ARHGAP6: variants seen among roughly 807,000 people sequenced by gnomAD.
ARHGAP6 encodes the protein Rho GTPase activating protein 6, also known as rho GTPase-activating protein 6.
Under a neutral mutation model 55.7 loss-of-function variants are expected in ARHGAP6, and 16 were observed. That is an observed-to-expected ratio of 0.29 (90% CI 0.19 to 0.44). ARHGAP6 has a LOEUF of 0.44. Among genes scored for constraint, ARHGAP6 ranks in the 20% least tolerant of loss-of-function variants. ARHGAP6 has a pLI of 1.00. For synonymous variants in ARHGAP6, 382 were observed against 360.9 expected, an observed-to-expected ratio of 1.06 and a Z score of -0.66; for missense variants, 698 against 808.9, an observed-to-expected ratio of 0.86 and a Z score of 1.66.
chrX:11,199,496 G>T (rs2046589473), intron 2 of ARHGAP6, among the ~76,000 whole-genome samples: 1 of 112,101 alleles, frequency 8.9e-6, no homozygotes, highest in South Asian at 3.7e-4. Flanking sequence ...TTAAAGTCTG[G>T]AACCACCACT....
chrX:11,351,334 A>C (rs2048861079), intron 1 of ARHGAP6: 1 of 948,412 alleles, frequency 1.1e-6, no homozygotes, highest in East Asian at 7.8e-5. Context: ...TATTAAAATA[A>C]ACATTCATAT....
At chrX:11,484,345 G>T (rs917757242) in intron 1 of ARHGAP6, among the ~76,000 whole-genome samples, 2 of 108,777 alleles carry the variant, frequency 1.8e-5, no homozygotes, top group African/African-American at 6.7e-5. Flanking sequence ...GATTAAGTAG[G>T]AGGAGGAGGA....
At chrX:11,490,071 G>A (rs1340017499) in intron 1 of ARHGAP6, among the ~76,000 whole-genome samples, 2 of 111,235 alleles carry the variant, frequency 1.8e-5, no homozygotes, top group Non-Finnish European at 3.8e-5. Flanking sequence ...ATCCTAAGAT[G>A]ACCCCCCTCC....
chrX:11,346,352 C>G (rs996060012), intron 1 of ARHGAP6, among the ~76,000 whole-genome samples: 1 of 111,631 alleles, frequency 9.0e-6, no homozygotes, highest in Non-Finnish European at 1.9e-5. Context: ...GTGACAAAAT[C>G]TGTATAGCCT....
At chrX:11,339,024 T>C (rs1185140439) in intron 1 of ARHGAP6, among the ~76,000 whole-genome samples, 2 of 112,198 alleles carry the variant, frequency 1.8e-5, no homozygotes, top group Non-Finnish European at 3.8e-5. Context: ...CTTCTGAAGA[T>C]GTGTCTGGAA....
chrX:11,344,710 G>GAAAGA (rs1555994746), intron 1 of ARHGAP6, among the ~76,000 whole-genome samples: 6 of 78,044 alleles, frequency 7.7e-5, no homozygotes, highest in East Asian at 4.1e-4. Flanking sequence ...AAAAAGAAAA[G>GAAAGA]AAAGAAAAGA....
intron 3 of ARHGAP6, among the ~76,000 whole-genome samples, chrX:11,191,029 A>G (rs2046451781): frequency 8.9e-6 from 1 of 112,650 alleles, no homozygotes; most frequent in Admixed American, 9.4e-5. Context: ...CCATTCAACT[A>G]TGGATAACTT....
chrX:11,453,392 T>C (rs773385668), intron 1 of ARHGAP6, among the ~76,000 whole-genome samples: 14 of 106,233 alleles, frequency 1.3e-4, no homozygotes, highest in Non-Finnish European at 2.3e-4. Context: ...TCTTCTGGCT[T>C]GTCCAGCTTC....
intron 1 of ARHGAP6, among the ~76,000 whole-genome samples, chrX:11,637,088 A>G (rs748190201): frequency 8.9e-6 from 1 of 111,926 alleles, no homozygotes; most frequent in South Asian, 3.7e-4. Context: ...TACTTTATTT[A>G]TAAACTTATA....
At chrX:11,448,668 G>A (rs1370431997) in intron 1 of ARHGAP6, among the ~76,000 whole-genome samples, 1 of 111,067 alleles carries the variant, frequency 9.0e-6, no homozygotes. Context: ...GTCTGGGGGT[G>A]GGCCTGGACA....
At chrX:11,187,415 T>A (rs1291977686) in intron 4 of ARHGAP6, among the ~76,000 whole-genome samples, 2 of 111,492 alleles carry the variant, frequency 1.8e-5, no homozygotes, top group African/African-American at 6.5e-5. Flanking sequence ...GGAAAACCAT[T>A]GCCTGAGTCC....
intron 1 of ARHGAP6, among the ~76,000 whole-genome samples, chrX:11,265,222 T>C (rs941434782): frequency 8.5e-4 from 95 of 112,301 alleles, no homozygotes; most frequent in African/African-American, 2.9e-3. Context: ...TAAAGTTTCC[T>C]CTTTTGTAAA....
chrX:11,402,528 C>G (rs1432200956), intron 1 of ARHGAP6, among the ~76,000 whole-genome samples: 1 of 111,253 alleles, frequency 9.0e-6, no homozygotes, highest in Non-Finnish European at 1.9e-5. Flanking sequence ...CACAACTATG[C>G]TTGTATAGAG....
chrX:11,208,303 A>G (rs1569255994), intron 2 of ARHGAP6, among the ~76,000 whole-genome samples: 1 of 110,618 alleles, frequency 9.0e-6, no homozygotes, highest in Non-Finnish European at 1.9e-5. Flanking sequence ...AATTCATTCT[A>G]ACGTAAAAAA....
chrX:11,281,697 G>T (rs2047857851), intron 1 of ARHGAP6, among the ~76,000 whole-genome samples: 1 of 111,394 alleles, frequency 9.0e-6, no homozygotes, highest in Non-Finnish European at 1.9e-5. Flanking sequence ...GAGATCTGGG[G>T]TTATATATTC....
chrX:11,353,505 T>C (rs2048887306), intron 1 of ARHGAP6, among the ~76,000 whole-genome samples: 4 of 110,385 alleles, frequency 3.6e-5, no homozygotes, highest in Non-Finnish European at 7.6e-5. Flanking sequence ...AGGGTGTCCT[T>C]ATTTAATCAG....
At chrX:11,179,750 A>G (rs1420909240) in intron 6 of ARHGAP6, among the ~76,000 whole-genome samples, 2 of 90,126 alleles carry the variant, frequency 2.2e-5, no homozygotes, top group African/African-American at 9.1e-5. Flanking sequence ...ATATACATAT[A>G]TATGTATATG....
intron 2 of ARHGAP6, among the ~76,000 whole-genome samples, chrX:11,227,330 T>A (rs1019836390): frequency 1.8e-5 from 2 of 112,105 alleles, no homozygotes; most frequent in African/African-American, 6.5e-5. Context: ...AACTTTGGTA[T>A]CATCTTGGAC....
chrX:11,182,544 G>T (rs1267287997), intron 5 of ARHGAP6, among the ~76,000 whole-genome samples: 1 of 109,116 alleles, frequency 9.2e-6, no homozygotes, highest in Admixed American at 9.7e-5. Context: ...GCGGAAAAAT[G>T]TAAAAATAAT....
Sources: allele counts gnomAD v4.1 joint callset (sites outside exome capture counted in the v4.1 genomes callset), GRCh38; gene constraint gnomAD v4.1.1; transcripts MANE v1.5; gene names NCBI Gene and HGNC (gene_info 2026-07-23, HGNC 2026-07-21).